DAAM2: variants seen among roughly 807,000 people sequenced by gnomAD.
DAAM2 encodes the protein disheveled-associated activator of morphogenesis 2.
In DAAM2, 39 loss-of-function variants were observed where a neutral mutation model predicts 120.7. The observed-to-expected ratio is 0.32, with a 90% CI of 0.25 to 0.42. The LOEUF (loss-of-function observed/expected upper bound fraction) is 0.42, where lower values mean the gene tolerates loss of function less well. Ranked by LOEUF, DAAM2 falls within the 10% of genes least tolerant of loss-of-function variation. DAAM2 has a pLI of 1.00. For synonymous variants in DAAM2, 488 were observed against 524.9 expected (o/e 0.93, Z 0.96); for missense variants, 1,283 against 1,401.7 (o/e 0.92, Z 1.35).
intron 1 of DAAM2, among the ~76,000 whole-genome samples, chr6:39,795,287 A>T (rs564980663): frequency 1.3e-5 from 2 of 152,312 alleles, no homozygotes; most frequent in East Asian, 3.9e-4. Flanking sequence ...CTTGGCTTTG[A>T]TAGCGGATGA....
chr6:39,813,810 A>G (rs1192693664), intron 1 of DAAM2, among the ~76,000 whole-genome samples: 1 of 152,176 alleles, frequency 6.6e-6, no homozygotes, highest in Non-Finnish European at 1.5e-5. Context: ...TTTTCTCTCC[A>G]CATACATTGT....
chr6:39,901,537 A>G lies in DAAM2; in HGVS notation c.2982+65A>G. The G allele has an allele frequency of 1.3e-6, 2 of 1,514,702 alleles. No homozygotes were observed. Among genetic ancestry groups the G allele is most frequent in the African/African-American group, 2.7e-5 (2 of 73,226 alleles). The allele number at this position is 1,514,702 out of a possible 1,614,324, so 93.8% of individuals were successfully genotyped here. ...GTGCTACTTGGGGAGAACACCCCCA[A>G]ACTGGGGTGTGTGGGAGGAGGGCAG... On this transcript the variant is annotated intron_variant, in intron 24 of 24. Coordinates refer to ENST00000274867, the MANE Select transcript of DAAM2 (RefSeq NM_001201427.2). This position sits in a 1 kb window ranked among gnomAD's most constrained non-coding sequence, Gnocchi z 4.5.
intron 21 of DAAM2, among the ~76,000 whole-genome samples, chr6:39,897,964 C>T (rs1270265557): frequency 6.6e-6 from 1 of 152,164 alleles, no homozygotes; most frequent in Non-Finnish European, 1.5e-5. Context: ...CTGCCTCAGG[C>T]TGAGTAGGAA....
intron 1 of DAAM2, among the ~76,000 whole-genome samples, chr6:39,837,163 C>T (rs1167685093): frequency 2.2e-4 from 33 of 152,146 alleles, no homozygotes; most frequent in Non-Finnish European, 4.9e-4. Context: ...AAGGCATCTC[C>T]AACTGGTGAC....
At chr6:39,809,707 C>T (rs896917637) in intron 1 of DAAM2, among the ~76,000 whole-genome samples, 1 of 152,152 alleles carries the variant, frequency 6.6e-6, no homozygotes, top group African/African-American at 2.4e-5. Flanking sequence ...TCTAAACTAG[C>T]GCTTCTCAAT....
At chr6:39,818,981 T>C (rs1477851487) in intron 1 of DAAM2, 1 of 152,202 alleles carries the variant, frequency 6.6e-6, no homozygotes, top group African/African-American at 2.4e-5. Context: ...CCTTTTTCAG[T>C]GATGCCAGTG....
chr6:39,900,324 A>G (rs757506107), intron 23 of DAAM2, 116 bp downstream of exon 23: 12 of 1,250,014 alleles, frequency 9.6e-6, no homozygotes, highest in Non-Finnish European at 1.1e-5. Flanking sequence ...CAGAGCTTTG[A>G]GAGAAAACCG....
chr6:39,880,486 G>T (rs1230168113), intron 14 of DAAM2, among the ~76,000 whole-genome samples: 1 of 152,196 alleles, frequency 6.6e-6, no homozygotes, highest in African/African-American at 2.4e-5. Context: ...GGCTATGATG[G>T]ATAGTAATAA....
intron 14 of DAAM2, 28 bp downstream of exon 14, chr6:39,879,505 C>T (rs1765027516): frequency 1.9e-6 from 3 of 1,613,866 alleles, no homozygotes; most frequent in Non-Finnish European, 2.5e-6. Flanking sequence ...GGCTGGAGGG[C>T]CCATTCTTCT....
chr6:39,855,166 T>C (rs1562028738), intron 1 of DAAM2, among the ~76,000 whole-genome samples: 1 of 152,180 alleles, frequency 6.6e-6, no homozygotes, highest in Non-Finnish European at 1.5e-5. Context: ...GTTTGGTGCA[T>C]AAGCTATGGT....
In DAAM2 at chr6:39,903,296, T is replaced by A. The variant is rs546919771; in HGVS notation, c.*1259T>A. Reference sequence around the variant, plus strand: ...GGATGGAGGAGGAAGGCTGATATCCTCTGGGGAGCACATCACCTGAAGGTG... The same window carrying A: ...GGATGGAGGAGGAAGGCTGATATCCACTGGGGAGCACATCACCTGAAGGTG... On this transcript the variant is annotated 3_prime_UTR_variant, in exon 25 of 25. Transcript: ENST00000274867. 6.6e-6 allele frequency: 1 copy of A among 152,382 alleles called. No homozygotes were observed. The highest frequency in any genetic ancestry group is 1.9e-4 in the East Asian group (1 of 5,172). 9.4% of individuals were successfully genotyped at this position (152,382 alleles called of 1,614,324 possible).
rs181701991 is a variant in DAAM2 at position 39,879,422 on chromosome 6, G to T, written c.1790G>T (p.Arg597Leu). The change falls in exon 14 of 25, where the codon CGT becomes CTT. Residue 597 changes from arginine (R) to leucine (L), a missense_variant. By Grantham distance (102) the Arg-to-Leu change is moderately radical (BLOSUM62 -2). Transcript: ENST00000274867. ...PSSDVPLRKKRVPQPSHPLKS... is the reference protein window; with the variant it reads ...PSSDVPLRKKLVPQPSHPLKS... ...AGTGACGTCCCACTCAGGAAAAAGC[G>T]TGTCCCCCAGCCTTCTCACCCACTG... The T allele has an allele frequency of 9.9e-6, 16 of 1,613,810 alleles. No individual in the cohort carries two copies. The highest frequency in any genetic ancestry group is 2.2e-5 in the East Asian group (1 of 44,842).
chr6:39,808,827 A>G (rs1762083767), intron 1 of DAAM2, among the ~76,000 whole-genome samples: 1 of 152,222 alleles, frequency 6.6e-6, no homozygotes, highest in South Asian at 2.1e-4. Context: ...ACTGGGGACT[A>G]AAGTTGGGGG....
At chr6:39,843,917 C>T (rs1317802069) in intron 1 of DAAM2, among the ~76,000 whole-genome samples, 1 of 152,168 alleles carries the variant, frequency 6.6e-6, no homozygotes, top group Non-Finnish European at 1.5e-5. Context: ...CTGCCATTTA[C>T]GAGCTGTGTT....
chr6:39,900,916 T>C (rs1766439369), intron 23 of DAAM2, among the ~76,000 whole-genome samples: 1 of 152,136 alleles, frequency 6.6e-6, no homozygotes, highest in African/African-American at 2.4e-5. Flanking sequence ...ATTATTCCCA[T>C]TTGACAGTGG....
At position 39,878,015 on chromosome 6, in the gene DAAM2, A is replaced by T. The variant is rs1369492772; in HGVS notation, c.1302-188A>T. 6.6e-6 allele frequency among the ~76,000 whole-genome samples: 1 copy of T among 152,158 alleles called. No homozygotes were observed. The highest frequency in any genetic ancestry group is 1.5e-5 in the Non-Finnish European group (1 of 68,026). On this transcript the variant is annotated intron_variant, in intron 11 of 24. Coordinates refer to ENST00000274867, the MANE Select transcript of DAAM2 (RefSeq NM_001201427.2). This position sits in a 1 kb window ranked among gnomAD's most constrained non-coding sequence, Gnocchi z 5.0. ...GTCTTTTCTCTCACGGTCTCCACAGACACATAATGTGAACGGGGCAGGGGA... is the reference window on the plus strand; with the variant it reads ...GTCTTTTCTCTCACGGTCTCCACAGTCACATAATGTGAACGGGGCAGGGGA...
chr6:39,860,198 T>C (rs1482950399), intron 2 of DAAM2, among the ~76,000 whole-genome samples: 1 of 152,196 alleles, frequency 6.6e-6, no homozygotes, highest in Non-Finnish European at 1.5e-5. Context: ...TATGACCTCA[T>C]AAAGTTCCAG....
intron 8 of DAAM2, among the ~76,000 whole-genome samples, chr6:39,870,692 G>T (rs561051711): frequency 1.3e-5 from 2 of 152,300 alleles, no homozygotes; most frequent in African/African-American, 4.8e-5. Flanking sequence ...ACTTCCCCCT[G>T]GGGGGCATGT....
intron 1 of DAAM2, among the ~76,000 whole-genome samples, chr6:39,805,212 T>G (rs2114025447): frequency 6.6e-6 from 1 of 152,286 alleles, no homozygotes; most frequent in Non-Finnish European, 1.5e-5. Context: ...TGATTTCTAG[T>G]GCAGATTCCG....
Sources: allele counts gnomAD v4.1 joint callset (sites outside exome capture counted in the v4.1 genomes callset), GRCh38; gene constraint gnomAD v4.1.1; non-coding constraint Gnocchi (gnomAD v3.1); transcripts MANE v1.5; gene names NCBI Gene and HGNC (gene_info 2026-07-23, HGNC 2026-07-21).